Variants in TIRAP observed in about 807,000 individuals in gnomAD.
TIRAP encodes TIR domain containing adaptor protein.
TIRAP carries 20 observed loss-of-function variants against 19.8 expected under a neutral mutation model. That is an observed-to-expected ratio of 1.01 (90% CI 0.71 to 1.47). TIRAP has a LOEUF of 1.47. Ranked by LOEUF, TIRAP falls within the 40% of genes most tolerant of loss-of-function variation. The probability of loss-of-function intolerance (pLI) is 0.00; values close to 1 mark genes in which losing one functional copy is unlikely to be tolerated. For missense variants in TIRAP, 276 were observed against 285.1 expected, an observed-to-expected ratio of 0.97 and a Z score of 0.23; for synonymous variants, 125 against 121.7, an observed-to-expected ratio of 1.03 and a Z score of -0.18.
In TIRAP at chr11:126,294,193, G is replaced by A. The variant is rs1337658224; in HGVS notation, c.*506G>A. ...TGGATGGTCTTCCTAGTTGCCTGGG[G>A]AAACCCTGGAATGGGCATCAGGAGA... is the stretch of plus-strand genomic sequence containing the variant. On this transcript the variant is annotated 3_prime_UTR_variant, in exon 5 of 5. Transcript: ENST00000392679. The A allele has an allele frequency of 4.0e-6, 1 of 249,342 alleles. No homozygotes were observed. The highest frequency in any genetic ancestry group is 1.0e-4 in the East Asian group (1 of 9,740). The allele number at this position is 249,342 out of a possible 1,614,324, so 15.4% of individuals were successfully genotyped here. A position where few individuals can be genotyped will look rare whatever the true frequency, so the allele number is the denominator to read the frequency against.
chr11:126,293,537 C>A, intron 4 of TIRAP, 131 bp from the exon 5 acceptor site: 1 of 1,076,474 alleles, frequency 9.3e-7, no homozygotes, highest in South Asian at 1.3e-5. Context: ...ATAAGTGTAT[C>A]TGGGGAGGGC....
In TIRAP at chr11:126,290,939, G is replaced by C. The variant is rs750457025; in HGVS notation, c.45G>C (p.Lys15Asn). The C allele has an allele frequency of 3.7e-6, 6 of 1,606,422 alleles. No homozygotes were observed. The Admixed American group carries it at 6.8e-5, about 18-fold the overall frequency. ...TSLPAPGSRP[K>N]KPLGKMADWF... ...TCCCAGCTCCTGGCTCTCGGCCTAA[G>C]AAGCCTCTAGGCAAGATGGCTGGTG... Residue 15 changes from lysine to asparagine, a missense_variant, in exon 3 of 5, where the codon AAG (lysine) becomes AAC (asparagine). Physicochemically the swap from Lys to Asn is moderately conservative, Grantham distance 94. Transcript: ENST00000392679. The surrounding 1 kb of genome is among the most constrained non-coding windows in gnomAD (Gnocchi z 4.9).
Position 126,292,608 on chromosome 11 carries a change from C to T in TIRAP, c.199C>T (p.Pro67Ser). 6.2e-7 allele frequency: 1 copy of T among 1,614,194 alleles called. No individual in the cohort carries two copies. Among genetic ancestry groups the T allele is most frequent in the Middle Eastern group, 1.6e-4 (1 of 6,062 alleles). The change falls in exon 4 of 5, where the codon CCC becomes TCC. Residue 67 changes from proline to serine, a missense_variant. Coordinates refer to ENST00000392679, the MANE Select transcript of TIRAP (RefSeq NM_001318777.2). ...CCCAAGCCTCAGCTCAGTCACGTCTCCCAGCCTGCCACCCACACATGCGAG... is the reference window on the plus strand; with the variant it reads ...CCCAAGCCTCAGCTCAGTCACGTCTTCCAGCCTGCCACCCACACATGCGAG... ...LPPSLSSVTS[P>S]SLPPTHASDS...
chr11:126,285,893 T>C (rs1951316557), intron 1 of TIRAP, among the ~76,000 whole-genome samples: 1 of 149,342 alleles, frequency 6.7e-6, no homozygotes, highest in African/African-American at 2.5e-5. Flanking sequence ...AATTAAAAAA[T>C]GAAAAAAATA....
chr11:126,293,233 GT>G, intron 4 of TIRAP, 178 bp downstream of exon 4: 1 of 1,127,108 alleles, frequency 8.9e-7, no homozygotes, highest in Non-Finnish European at 1.3e-6. Flanking sequence ...ACTTGGCCAA[GT>G]TACTCACCCG....
rs549777408 is a variant in TIRAP at position 126,286,289 on chromosome 11, C to G, written c.-217+3136C>G. 2.0e-5 allele frequency among the ~76,000 whole-genome samples: 3 copies of G among 151,188 alleles called. No individual in the cohort carries two copies. The East Asian group carries it at 5.9e-4, about 30-fold the overall frequency. On this transcript the variant is annotated intron_variant, in intron 1 of 4. Transcript: ENST00000392679. The stretch of plus-strand genomic sequence containing the variant: ...CTGAGGCACAAGAATCACTTGAACC[C>G]AGGAGGCAGAGGTTGCAGTGAGCTG...
rs780524458 is a variant in TIRAP at position 126,293,008 on chromosome 11, G to C, written c.599G>C (p.Arg200Thr). 6.2e-7 allele frequency: 1 copy of C among 1,614,214 alleles called. No individual in the cohort carries two copies. Among genetic ancestry groups the C allele is most frequent in the Admixed American group, 1.7e-5 (1 of 60,032 alleles). The change falls in exon 4 of 5, where the codon AGG becomes ACG. Residue 200 changes from arginine to threonine, a missense_variant. By Grantham distance (71) the Arg-to-Thr change is moderately conservative. Transcript: ENST00000392679. Reference sequence around the variant, plus strand: ...CGATTCATGTACTACGTCGATGGCAGGGGCCCTGATGGTGGCTTTCGTCAA... The same window carrying C: ...CGATTCATGTACTACGTCGATGGCACGGGCCCTGATGGTGGCTTTCGTCAA... Reference protein sequence around the residue: ...ELRFMYYVDGRGPDGGFRQVK... With the variant: ...ELRFMYYVDGTGPDGGFRQVK...
rs201653471 is a variant in TIRAP at position 126,293,801 on chromosome 11, G to A, written c.*114G>A. 6.4e-5 allele frequency: 75 copies of A among 1,168,824 alleles called. No individual in the cohort carries two copies. Among genetic ancestry groups the A allele is most frequent in the Non-Finnish European group, 7.9e-5 (62 of 780,308 alleles). 72.4% of individuals were successfully genotyped at this position (1,168,824 alleles called of 1,614,324 possible). ...AGAGGTATAGGGAGTGAGTCACAGC[G>A]CTTTGCTCGTGACCCTGGGATCAGA... On this transcript the variant is annotated 3_prime_UTR_variant, in exon 5 of 5. Transcript: ENST00000392679.
intron 1 of TIRAP, among the ~76,000 whole-genome samples, chr11:126,285,243 G>GTGTGTGTGTATATATATATATATATTA: frequency 1.9e-5 from 2 of 106,974 alleles, no homozygotes; most frequent in African/African-American, 7.1e-5. Context: ...GTGTGTGTGT[G>GTGTGTGTGTATATATATATATATATTA]TATATATATA....
chr11:126,290,452 G>A lies in TIRAP; in HGVS notation c.-216-10G>A, dbSNP rs992899509. The A allele has an allele frequency of 9.1e-6, 9 of 990,724 alleles. No individual in the cohort carries two copies. The highest frequency in any genetic ancestry group is 6.1e-5 in the Admixed American group (1 of 16,348). The allele number at this position is 990,724 out of a possible 1,614,324, so 61.4% of individuals were successfully genotyped here. A position where few individuals can be genotyped will look rare whatever the true frequency, so the allele number is the denominator to read the frequency against. ...TCCAAATAGCAACTGTCCTTCTTCT[G>A]CCATTTCAGGCCTTACATAGGAAGT... On this transcript the variant is annotated splice_polypyrimidine_tract_variant and intron_variant, in intron 1 of 4. Transcript: ENST00000392679. This position sits in a 1 kb window ranked among gnomAD's most constrained non-coding sequence, Gnocchi z 4.9.
Position 126,292,644 on chromosome 11 carries a change from A to G in TIRAP, c.235A>G (p.Ser79Gly). 6.2e-7 allele frequency: 1 copy of G among 1,614,180 alleles called. No homozygotes were observed. The highest frequency in any genetic ancestry group is 2.2e-5 in the East Asian group (1 of 44,882). ...ACCCACACATGCGAGTGACAGTGGC[A>G]GTAGTCGCTGGAGCAAAGACTATGA... ...LPPTHASDSG[S>G]SRWSKDYDVC... The change falls in exon 4 of 5, where the codon AGT (serine) becomes GGT (glycine). Residue 79 changes from serine (S) to glycine (G), a missense_variant. By Grantham distance (56) the Ser-to-Gly change is moderately conservative. Coordinates refer to ENST00000392679, the MANE Select transcript of TIRAP (RefSeq NM_001318777.2).
intron 1 of TIRAP, among the ~76,000 whole-genome samples, chr11:126,283,867 G>A (rs1951284536): frequency 6.6e-6 from 1 of 152,268 alleles, no homozygotes; most frequent in South Asian, 2.1e-4. Flanking sequence ...GAGTTGATAC[G>A]TAGGCACACA....
At chr11:126,283,381 A>T (rs1951278997) in intron 1 of TIRAP, among the ~76,000 whole-genome samples, 1 of 152,150 alleles carries the variant, frequency 6.6e-6, no homozygotes, top group Non-Finnish European at 1.5e-5. Flanking sequence ...CTCCGAGGAG[A>T]ATGTCACCTT....
intron 1 of TIRAP, chr11:126,289,942 C>T (rs769837757): frequency 3.5e-5 from 19 of 538,254 alleles, no homozygotes; most frequent in African/African-American, 1.0e-4. Flanking sequence ...ATCTTCTAGA[C>T]TTTGGAACAG....
Position 126,291,044 on chromosome 11 carries a change from G to T in TIRAP, c.67+83G>T. 1.4e-6 allele frequency: 2 copies of T among 1,473,836 alleles called. No individual in the cohort carries two copies. Among genetic ancestry groups the T allele is most frequent in the East Asian group, 4.9e-5 (2 of 40,672 alleles). The allele number at this position is 1,473,836 out of a possible 1,614,324, so 91.3% of individuals were successfully genotyped here. A position where few individuals can be genotyped will look rare whatever the true frequency, so the allele number is the denominator to read the frequency against. ...ATAGGGCGCGGTGGGAGGCCTGCCT[G>T]GTCCAAACTCAGAGAGACGCAGGAA... On this transcript the variant is annotated intron_variant, in intron 3 of 4. Transcript: ENST00000392679. This position sits in a 1 kb window ranked among gnomAD's most constrained non-coding sequence, Gnocchi z 5.6.
In TIRAP at chr11:126,290,631, G is replaced by C; in HGVS notation, c.-93+46G>C. On this transcript the variant is annotated intron_variant, in intron 2 of 4. Coordinates refer to ENST00000392679, the MANE Select transcript of TIRAP (RefSeq NM_001318777.2). The surrounding 1 kb of genome is among the most constrained non-coding windows in gnomAD (Gnocchi z 4.9). ...CAGCTTTGGCTTTATCTAGAATCCA[G>C]CTCCAATCACAGTCGTGTCTGGCCC... The C allele has an allele frequency of 7.9e-7, 1 of 1,265,172 alleles. No homozygotes were observed. The highest frequency in any genetic ancestry group is 9.9e-7 in the Non-Finnish European group (1 of 1,006,714). The allele number at this position is 1,265,172 out of a possible 1,614,324, so 78.4% of individuals were successfully genotyped here.
At chr11:126,289,635 T>G in intron 1 of TIRAP, 1 of 985,114 alleles carries the variant, frequency 1.0e-6, no homozygotes, top group Non-Finnish European at 1.2e-6. Flanking sequence ...CTTGCTTCCA[T>G]GAGTTCTCAG....
chr11:126,283,819 C>T (rs1951283959), intron 1 of TIRAP, among the ~76,000 whole-genome samples: 1 of 152,172 alleles, frequency 6.6e-6, no homozygotes, highest in Non-Finnish European at 1.5e-5. Context: ...AGGAATGACT[C>T]AGAGGGAACC....
In TIRAP at chr11:126,292,948, C is replaced by T. The variant is rs8177374; in HGVS notation, c.539C>T (p.Ser180Leu). Residue 180 changes from serine (S) to leucine (L), a missense_variant, in exon 4 of 5, where the codon TCG becomes TTG. Transcript: ENST00000392679. ...GAEGCTIPLL[S>L]GLSRAAYPPE... ...GAGGGCTGCACCATCCCCCTGCTGT[C>T]GGGCCTCAGCAGAGCTGCCTACCCA... The T allele has an allele frequency of 0.14, 233,554 of 1,613,956 alleles. 18,397 individuals are homozygous for T. The highest frequency in any genetic ancestry group is 0.16 in the Non-Finnish European group (189,121 of 1,179,920).
Sources: allele counts gnomAD v4.1 joint callset (sites outside exome capture counted in the v4.1 genomes callset), GRCh38; gene constraint gnomAD v4.1.1; non-coding constraint Gnocchi (gnomAD v3.1); transcripts MANE v1.5; gene names NCBI Gene and HGNC (gene_info 2026-07-23, HGNC 2026-07-21).